The following SAMD4A variants were observed in gnomAD, a reference collection of about 807,000 sequenced individuals.
The protein encoded by SAMD4A is sterile alpha motif domain containing 4A.
A neutral mutation model predicts 81.3 loss-of-function variants in SAMD4A; 33 were observed. The observed-to-expected ratio is 0.41, with a 90% CI of 0.31 to 0.54. The LOEUF (loss-of-function observed/expected upper bound fraction) is 0.54, where lower values mean the gene tolerates loss of function less well. SAMD4A is among the 20% of genes least tolerant of loss of function. The probability of loss-of-function intolerance (pLI) is 0.37; values close to 1 mark genes in which losing one functional copy is unlikely to be tolerated. For missense variants in SAMD4A, 854 were observed against 951.1 expected (o/e 0.90, Z 1.34); for synonymous variants, 389 against 382.1 (o/e 1.02, Z -0.21).
chr14:54,593,930 G>A (rs553719640), intron 2 of SAMD4A, among the ~76,000 whole-genome samples: 4 of 152,120 alleles, frequency 2.6e-5, no homozygotes, highest in African/African-American at 9.6e-5. Context: ...GAAGGAAGGA[G>A]TGCTGTTGTC....
At chr14:54,713,715 T>C (rs149681493) in intron 3 of SAMD4A, among the ~76,000 whole-genome samples, 359 of 152,344 alleles carry the variant, frequency 2.4e-3, no homozygotes, top group Middle Eastern at 0.014. Flanking sequence ...TGGATTACTT[T>C]ATGCTTTAGT....
chr14:54,609,348 A>G (rs2034299248), intron 2 of SAMD4A, among the ~76,000 whole-genome samples: 1 of 152,184 alleles, frequency 6.6e-6, no homozygotes, highest in East Asian at 1.9e-4. Context: ...AAGGAAAGAG[A>G]TTCTCCCCTA....
At chr14:54,746,453 A>G (rs1244970696) in intron 4 of SAMD4A, among the ~76,000 whole-genome samples, 1 of 151,992 alleles carries the variant, frequency 6.6e-6, no homozygotes, top group Non-Finnish European at 1.5e-5. Context: ...TAGGAAAACT[A>G]CTCCCAGTGT....
chr14:54,566,053 G>T (rs1186297014), upstream of SAMD4A, among the ~76,000 whole-genome samples: 1 of 152,038 alleles, frequency 6.6e-6, no homozygotes, highest in Non-Finnish European at 1.5e-5. Flanking sequence ...CCAAGCCCAT[G>T]ATGTAATGGT....
chr14:54,720,449 A>G lies in SAMD4A; in HGVS notation c.716-16575A>G, dbSNP rs867514637. ...ACCTTATGTGTGTAGATTTCACCAC[A>G]GAGAGATCAGATAGGAACCTAACCT... On this transcript the variant is annotated intron_variant, in intron 3 of 12. Transcript: ENST00000554335. 1.1e-4 allele frequency among the ~76,000 whole-genome samples: 16 copies of G among 149,400 alleles called. 1 individual carries two copies. The South Asian group carries it at 2.6e-3, about 24-fold the overall frequency.
chr14:54,760,409 G>A lies in SAMD4A; in HGVS notation c.1425G>A (p.Gln475=). Reference sequence around the variant, plus strand: ...CCAGCGGGGGGCTCCAGCCGCACCAGCTGAGCAGCTGCGATGGGGAGCTGG... The same window carrying A: ...CCAGCGGGGGGCTCCAGCCGCACCAACTGAGCAGCTGCGATGGGGAGCTGG... ...AGASGGLQPH[Q]LSSCDGELAV... The change falls in exon 7 of 13, where the codon CAG becomes CAA. Residue 475 remains glutamine, a synonymous_variant. Transcript: ENST00000554335. 6.8e-7 allele frequency: 1 copy of A among 1,464,066 alleles called. No individual in the cohort carries two copies. The highest frequency in any genetic ancestry group is 2.6e-5 in the East Asian group (1 of 38,378). The allele number at this position is 1,464,066 out of a possible 1,614,324, so 90.7% of individuals were successfully genotyped here.
chr14:54,650,401 G>T (rs990797290), intron 2 of SAMD4A, among the ~76,000 whole-genome samples: 4 of 152,120 alleles, frequency 2.6e-5, no homozygotes. Flanking sequence ...TCTTGCATTT[G>T]TTGGAATGGC....
chr14:54,583,598 GCTTT>G (rs1447089213), intron 2 of SAMD4A, among the ~76,000 whole-genome samples: 2 of 152,130 alleles, frequency 1.3e-5, no homozygotes, highest in African/African-American at 2.4e-5. Flanking sequence ...GCTGATTTGA[GCTTT>G]CTTCTTTTCT....
rs1179387096 is a variant in SAMD4A, at chr14:54,737,098, CAGCCTCT to C, written c.793_799del (p.Pro265AspfsTer31). ...TACCCCACCCATGAATGTGCCAAAC[CAGCCTCT>C]AGGACATGGATGGATGTCTCATGAG... is the stretch of plus-strand genomic sequence containing the variant. On this transcript the variant is annotated frameshift_variant, in exon 4 of 13. Coordinates refer to ENST00000554335, the MANE Select transcript of SAMD4A (RefSeq NM_015589.6). LOFTEE classifies it high-confidence loss of function. The C allele has an allele frequency of 6.2e-7, 1 of 1,614,070 alleles. No individual in the cohort carries two copies. Among genetic ancestry groups the C allele is most frequent in the Non-Finnish European group, 8.5e-7 (1 of 1,180,002 alleles).
At chr14:54,591,538 T>G (rs1286248504) in intron 2 of SAMD4A, among the ~76,000 whole-genome samples, 4 of 152,074 alleles carry the variant, frequency 2.6e-5, no homozygotes, top group Non-Finnish European at 5.9e-5. Flanking sequence ...TTTTTTTTTT[T>G]TTGTTTTGTT....
intron 2 of SAMD4A, among the ~76,000 whole-genome samples, chr14:54,682,218 A>T (rs928791879): frequency 6.6e-6 from 1 of 152,178 alleles, no homozygotes; most frequent in Non-Finnish European, 1.5e-5. Flanking sequence ...TCCATACGTC[A>T]CATTCCCCTG....
At chr14:54,622,846 C>G (rs2034651096) in intron 2 of SAMD4A, among the ~76,000 whole-genome samples, 1 of 152,234 alleles carries the variant, frequency 6.6e-6, no homozygotes, top group Non-Finnish European at 1.5e-5. Flanking sequence ...CACAGATTCT[C>G]AGGCCCCACC....
In SAMD4A at chr14:54,612,952, A is replaced by T. The variant is rs565896176; in HGVS notation, c.196+44840A>T. Among the ~76,000 whole-genome samples the T allele has an allele frequency of 2.8e-4, 43 of 152,238 alleles. 1 individual carries two copies. In the South Asian group the frequency reaches 8.5e-3, roughly 30 times the overall value. ...GCCAACATGGTGAAACCCTGTCTCT[A>T]CTAAAAATACAAAAATTAGCTGGGC... On this transcript the variant is annotated intron_variant, in intron 2 of 12. Coordinates refer to ENST00000554335, the MANE Select transcript of SAMD4A (RefSeq NM_015589.6).
At chr14:54,596,322 T>A (rs2033909645) in intron 2 of SAMD4A, among the ~76,000 whole-genome samples, 1 of 152,160 alleles carries the variant, frequency 6.6e-6, no homozygotes, top group African/African-American at 2.4e-5. Flanking sequence ...CAGTGGCTCA[T>A]GCCTGTAATC....
At chr14:54,772,836 A>AC (rs1422283580) in intron 9 of SAMD4A, among the ~76,000 whole-genome samples, 2 of 152,042 alleles carry the variant, frequency 1.3e-5, no homozygotes, top group Non-Finnish European at 2.9e-5. Flanking sequence ...CAAAAAAAAA[A>AC]AACACTCGGC....
At chr14:54,628,971 A>G (rs2034830682) in intron 2 of SAMD4A, among the ~76,000 whole-genome samples, 1 of 152,144 alleles carries the variant, frequency 6.6e-6, no homozygotes, top group Non-Finnish European at 1.5e-5. Flanking sequence ...CTCCCCCAGA[A>G]TGTCAAAGTT....
chr14:54,769,154 C>A (rs1566629835), intron 8 of SAMD4A, among the ~76,000 whole-genome samples: 1 of 152,136 alleles, frequency 6.6e-6, no homozygotes. Context: ...ACGTGGGGTC[C>A]TCACCATCTA....
intron 2 of SAMD4A, among the ~76,000 whole-genome samples, chr14:54,616,492 C>T (rs2034495492): frequency 6.6e-6 from 1 of 152,184 alleles, no homozygotes; most frequent in Non-Finnish European, 1.5e-5. Context: ...ATGGTTGTGT[C>T]CATCAGTGCT....
chr14:54,679,181 T>C (rs17655558), intron 2 of SAMD4A, among the ~76,000 whole-genome samples: 38,211 of 152,122 alleles, frequency 0.25, 5,424 homozygotes, highest in Admixed American at 0.35. Flanking sequence ...ATATTTAAAG[T>C]TGTTTTGGGT....
Sources: gnomAD v4.1 joint callset for allele counts (sites outside exome capture counted in the v4.1 genomes callset) on GRCh38, gnomAD v4.1.1 for gene constraint, MANE v1.5 for transcripts, NCBI Gene and HGNC (gene_info 2026-07-23, HGNC 2026-07-21) for gene names.